The following RBFOX1 variants were observed in gnomAD, a reference collection of about 807,000 sequenced individuals.
RBFOX1 encodes the protein RNA binding fox-1 homolog 1.
A neutral mutation model predicts 57.7 loss-of-function variants in RBFOX1; 8 were observed. That is an observed-to-expected ratio of 0.14 (90% CI 0.08 to 0.25). RBFOX1 has a LOEUF of 0.25. RBFOX1 is among the 10% of genes least tolerant of loss of function. RBFOX1 has a pLI of 1.00. For synonymous variants in RBFOX1, 326 were observed against 222.4 expected (o/e 1.47, Z -4.15); for missense variants, 611 against 548.5 (o/e 1.11, Z -1.14).
chr16:5,674,444 C>T (rs2050107392), intron 3 of RBFOX1, among the ~76,000 whole-genome samples: 1 of 152,142 alleles, frequency 6.6e-6, no homozygotes, highest in Non-Finnish European at 1.5e-5. Context: ...TTGATAGTGA[C>T]AGGGCCAGGA....
At chr16:6,106,893 A>G (rs991549222) in intron 1 of RBFOX1, among the ~76,000 whole-genome samples, 3 of 151,838 alleles carry the variant, frequency 2.0e-5, no homozygotes, top group Non-Finnish European at 2.9e-5. Context: ...GGATGGTCTC[A>G]ATCTCCTGAC....
intron 1 of RBFOX1, among the ~76,000 whole-genome samples, chr16:6,301,846 G>C (rs183537950): frequency 6.6e-6 from 1 of 152,062 alleles, no homozygotes; most frequent in Non-Finnish European, 1.5e-5. Flanking sequence ...CAAGCATTTC[G>C]TGAAGCATCA....
At chr16:6,398,395 A>G (rs754437722) in intron 2 of RBFOX1, among the ~76,000 whole-genome samples, 2 of 152,058 alleles carry the variant, frequency 1.3e-5, no homozygotes, top group Non-Finnish European at 2.9e-5. Context: ...TCCACCATTA[A>G]CCCAAAAGTC....
intron 3 of RBFOX1, among the ~76,000 whole-genome samples, chr16:6,782,894 T>C (rs942650200): frequency 1.3e-5 from 2 of 152,180 alleles, no homozygotes; most frequent in African/African-American, 2.4e-5. Flanking sequence ...TAATATTTGC[T>C]TTATATATCT....
At position 7,047,769 on chromosome 16, in the gene RBFOX1, T is replaced by C. The variant is rs1011651967; in HGVS notation, c.-15-4288T>C. Among the ~76,000 whole-genome samples, 12 of 148,282 alleles carry C rather than the reference T, an allele frequency of 8.1e-5. No individual in the cohort carries two copies. In the Admixed American group the frequency reaches 8.1e-4, roughly 10 times the overall value. On this transcript the variant is annotated intron_variant, in intron 3 of 15. Coordinates refer to ENST00000550418, the MANE Select transcript of RBFOX1 (RefSeq NM_018723.4). ...TTGTCTTCAATTTTTTTTTCCCCTATGTTGTTTAGAATGGATACTTTTTAT... is the reference window on the plus strand; with the variant it reads ...TTGTCTTCAATTTTTTTTTCCCCTACGTTGTTTAGAATGGATACTTTTTAT...
intron 1 of RBFOX1, among the ~76,000 whole-genome samples, chr16:6,029,601 G>A (rs974643480): frequency 1.5e-4 from 22 of 150,878 alleles, no homozygotes; most frequent in African/African-American, 3.4e-4. Flanking sequence ...GTGAAACCCC[G>A]TCTCTACTAA....
intron 4 of RBFOX1, among the ~76,000 whole-genome samples, chr16:5,951,765 A>G (rs918424605): frequency 6.7e-6 from 1 of 150,348 alleles, no homozygotes; most frequent in Non-Finnish European, 1.5e-5. Context: ...AGTATCTTTA[A>G]AGGACACAAG....
chr16:7,485,648 C>A (rs1256814054), intron 4 of RBFOX1, among the ~76,000 whole-genome samples: 2 of 152,190 alleles, frequency 1.3e-5, no homozygotes, highest in Admixed American at 6.5e-5. Context: ...GAAGATTGTT[C>A]TATCTAAACA....
chr16:5,258,991 T>C (rs2062660261), intron 1 of RBFOX1, among the ~76,000 whole-genome samples: 1 of 151,884 alleles, frequency 6.6e-6, no homozygotes, highest in South Asian at 2.1e-4. Flanking sequence ...TGCTCCTTAA[T>C]GTTAGCCCCC....
chr16:7,626,971 T>C (rs1052171417), intron 10 of RBFOX1, among the ~76,000 whole-genome samples: 3 of 152,126 alleles, frequency 2.0e-5, no homozygotes, highest in Non-Finnish European at 4.4e-5. Context: ...TAGAAAATTG[T>C]AGTAGAGGAC....
intron 4 of RBFOX1, among the ~76,000 whole-genome samples, chr16:5,999,437 TC>T (rs2060548310): frequency 1.3e-5 from 2 of 152,206 alleles, no homozygotes; most frequent in Non-Finnish European, 1.5e-5. Context: ...ATTTGCAGGA[TC>T]ATTTGATTCA....
chr16:5,660,985 G>A lies in RBFOX1; in HGVS notation c.318+62024G>A, dbSNP rs115975102. Reference sequence around the variant, plus strand: ...CTTGATATAGGGTTGAGGAGGTAGCGCCATGTTAAATGAGTCCTAAGCTTT... The same window carrying A: ...CTTGATATAGGGTTGAGGAGGTAGCACCATGTTAAATGAGTCCTAAGCTTT... On this transcript the variant is annotated intron_variant, in intron 3 of 19. Coordinates refer to the RBFOX1 transcript ENST00000641259. Among the ~76,000 whole-genome samples the A allele has an allele frequency of 5.8e-3, 879 of 152,220 alleles. 7 individuals are homozygous for A. The highest frequency in any genetic ancestry group is 0.02 in the African/African-American group (846 of 41,520).
At chr16:7,024,374 C>A (rs917916895) in intron 3 of RBFOX1, among the ~76,000 whole-genome samples, 2 of 152,100 alleles carry the variant, frequency 1.3e-5, no homozygotes, top group African/African-American at 4.8e-5. Flanking sequence ...CAGTTGAGTG[C>A]AATGAAGCTT....
At chr16:7,559,769 GT>G (rs534695312) in intron 5 of RBFOX1, among the ~76,000 whole-genome samples, 139 of 152,286 alleles carry the variant, frequency 9.1e-4, no homozygotes, top group African/African-American at 3.2e-3. Context: ...TTAGTCTTTG[GT>G]TCTTATCCAG....
chr16:6,878,591 A>G (rs1265117096), intron 3 of RBFOX1, among the ~76,000 whole-genome samples: 2 of 152,172 alleles, frequency 1.3e-5, no homozygotes, highest in South Asian at 2.1e-4. Flanking sequence ...TGACACATGC[A>G]GTGTCCTCAT....
chr16:7,446,479 C>T (rs10221148), intron 4 of RBFOX1, among the ~76,000 whole-genome samples: 85,920 of 152,044 alleles, frequency 0.57, 24,556 homozygotes, highest in South Asian at 0.65. Flanking sequence ...ATTTGCCTGC[C>T]GCTGAGCTAT....
intron 3 of RBFOX1, among the ~76,000 whole-genome samples, chr16:6,679,707 T>C (rs1309192510): frequency 6.6e-6 from 1 of 152,044 alleles, no homozygotes; most frequent in African/African-American, 2.4e-5. Context: ...CATACAAGAG[T>C]ACTTGAGTGA....
At chr16:5,856,573 GTGTATATA>G (rs1416771464) in intron 3 of RBFOX1, among the ~76,000 whole-genome samples, 1 of 25,550 alleles carries the variant, frequency 3.9e-5, no homozygotes. Flanking sequence ...ATGTGTGTGT[GTGTATATA>G]TATATATATA....
At chr16:7,023,564 TAAAAAAAA>T (rs34056673) in intron 3 of RBFOX1, among the ~76,000 whole-genome samples, 72 of 43,926 alleles carry the variant, frequency 1.6e-3, no homozygotes, top group Non-Finnish European at 1.9e-3. Flanking sequence ...TCGTCTGTAC[TAAAAAAAA>T]AAAAAAAAAA....
Sources: gnomAD v4.1 joint callset for allele counts (sites outside exome capture counted in the v4.1 genomes callset) on GRCh38, gnomAD v4.1.1 for gene constraint, MANE v1.5 for transcripts, NCBI Gene and HGNC (gene_info 2026-07-23, HGNC 2026-07-21) for gene names.